Variants in GLIS3 observed in about 807,000 individuals in gnomAD.
The protein encoded by GLIS3 is zinc finger protein GLIS3.
GLIS3 carries 53 observed loss-of-function variants against 78.6 expected under a neutral mutation model. That is an observed-to-expected ratio of 0.67 (90% CI 0.54 to 0.85). The LOEUF is 0.85. Among genes scored for constraint, GLIS3 ranks in the 40% least tolerant of loss-of-function variants. GLIS3 has a pLI of 0.00. For synonymous variants in GLIS3, 684 were observed against 509.9 expected, an observed-to-expected ratio of 1.34 and a Z score of -4.60; for missense variants, 1,703 against 1,231.1, an observed-to-expected ratio of 1.38 and a Z score of -5.74.
At chr9:4,285,227 G>C (rs1285455699) in intron 2 of GLIS3, among the ~76,000 whole-genome samples, 2 of 152,144 alleles carry the variant, frequency 1.3e-5, no homozygotes, top group Admixed American at 1.3e-4. Context: ...TACGTGGGGT[G>C]CATGCTCTTT....
At chr9:4,349,225 G>T (rs539880602), upstream of GLIS3, among the ~76,000 whole-genome samples, 2 of 152,270 alleles carry the variant, frequency 1.3e-5, no homozygotes, top group African/African-American at 4.8e-5. Context: ...TTTATGATAG[G>T]TGTTGTCAGT....
the GLIS3 span, among the ~76,000 whole-genome samples, chr9:4,456,247 T>G: frequency 6.6e-6 from 1 of 152,204 alleles, no homozygotes; most frequent in Non-Finnish European, 1.5e-5. Flanking sequence ...CCTCAGAAAG[T>G]TGTAAATTTT....
Position 3,826,156 on chromosome 9 carries a change from C to A in GLIS3, c.*2116G>T, listed in dbSNP as rs1193434428. The A allele has an allele frequency of 1.3e-5, 2 of 152,344 alleles. No homozygotes were observed. The highest frequency in any genetic ancestry group is 6.5e-5 in the Admixed American group (1 of 15,304). The allele number at this position is 152,344 out of a possible 1,614,324, so 9.4% of individuals were successfully genotyped here. On this transcript the variant is annotated 3_prime_UTR_variant, in exon 11 of 11. Coordinates refer to ENST00000381971, the MANE Select transcript of GLIS3 (RefSeq NM_001042413.2). ...GGGCTGACAATGTCAACTGCAATAA[C>A]AACCTTGCCTTTTCATCTTTTTTCT...
At chr9:4,303,928 G>T (rs1029055887), upstream of GLIS3, among the ~76,000 whole-genome samples, 1 of 152,202 alleles carries the variant, frequency 6.6e-6, no homozygotes, top group East Asian at 1.9e-4. Context: ...TATATGTGAT[G>T]TTGTAAAATT....
At chr9:4,178,856 A>G (rs1236582355) in intron 2 of GLIS3, among the ~76,000 whole-genome samples, 3 of 152,256 alleles carry the variant, frequency 2.0e-5, no homozygotes, top group Admixed American at 6.5e-5. Flanking sequence ...GAGGGTATCT[A>G]GCATAAACAT....
At chr9:4,393,322 C>T in the GLIS3 span, among the ~76,000 whole-genome samples, 1 of 152,120 alleles carries the variant, frequency 6.6e-6, no homozygotes, top group African/African-American at 2.4e-5. Context: ...AGTTTGGAGA[C>T]ACTATGCCCC....
At chr9:4,055,110 T>G (rs1459654460) in intron 4 of GLIS3, among the ~76,000 whole-genome samples, 1 of 152,252 alleles carries the variant, frequency 6.6e-6, no homozygotes, top group Admixed American at 6.5e-5. Context: ...CTTTTTCATC[T>G]TTCTCCTTTC....
chr9:4,168,517 T>C (rs1231595374), intron 2 of GLIS3, among the ~76,000 whole-genome samples: 1 of 152,190 alleles, frequency 6.6e-6, no homozygotes, highest in African/African-American at 2.4e-5. Context: ...AATTGAATTG[T>C]GATAAAAGCA....
At chr9:3,971,179 TG>T (rs1463000214) in intron 4 of GLIS3, among the ~76,000 whole-genome samples, 24 of 151,912 alleles carry the variant, frequency 1.6e-4, no homozygotes, top group Non-Finnish European at 2.9e-5. Flanking sequence ...AATGGAGCAA[TG>T]GCAAGATAGC....
chr9:4,255,918 TG>T (rs1342309378), intron 2 of GLIS3, among the ~76,000 whole-genome samples: 1 of 152,114 alleles, frequency 6.6e-6, no homozygotes, highest in African/African-American at 2.4e-5. Flanking sequence ...TACTACTCTG[TG>T]GGGATGTTGA....
At chr9:4,109,095 G>C (rs946380674) in intron 4 of GLIS3, among the ~76,000 whole-genome samples, 1 of 151,980 alleles carries the variant, frequency 6.6e-6, no homozygotes, top group African/African-American at 2.4e-5. Flanking sequence ...CCTCTAAACA[G>C]CTCAAGCATT....
intron 2 of GLIS3, among the ~76,000 whole-genome samples, chr9:4,178,986 T>A (rs1219343218): frequency 2.0e-5 from 3 of 152,322 alleles, no homozygotes; most frequent in Admixed American, 6.5e-5. Flanking sequence ...TGTGAATTAT[T>A]TAGGGCTGCA....
intron 4 of GLIS3, among the ~76,000 whole-genome samples, chr9:3,987,132 C>T (rs1819805256): frequency 6.6e-6 from 1 of 151,826 alleles, no homozygotes; most frequent in Admixed American, 6.5e-5. Context: ...ATGGAAGCTA[C>T]AAAAAATGAA....
At chr9:4,366,454 C>T in the GLIS3 span, among the ~76,000 whole-genome samples, 1 of 152,150 alleles carries the variant, frequency 6.6e-6, no homozygotes, top group Non-Finnish European at 1.5e-5. Flanking sequence ...ATTGGCTTGA[C>T]TAGATTTTTC....
intron 4 of GLIS3, among the ~76,000 whole-genome samples, chr9:3,973,572 C>T (rs955614465): frequency 6.6e-6 from 1 of 152,140 alleles, no homozygotes; most frequent in African/African-American, 2.4e-5. Context: ...CTTTATTACA[C>T]AAAAAATTTA....
the GLIS3 span, among the ~76,000 whole-genome samples, chr9:4,437,411 T>TGTAA: frequency 1.1e-5 from 1 of 87,846 alleles, no homozygotes; most frequent in Non-Finnish European, 2.9e-5. Context: ...ACTGTATGTA[T>TGTAA]GTATGTATGT....
intron 2 of GLIS3, among the ~76,000 whole-genome samples, chr9:4,158,806 A>G (rs903349281): frequency 6.6e-6 from 1 of 152,222 alleles, no homozygotes; most frequent in African/African-American, 2.4e-5. Flanking sequence ...GATAATTTCA[A>G]ATAAGCGTAA....
chr9:4,271,113 C>A (rs968982705), intron 2 of GLIS3, among the ~76,000 whole-genome samples: 1 of 152,012 alleles, frequency 6.6e-6, no homozygotes, highest in African/African-American at 2.4e-5. Flanking sequence ...TCCACTTCTA[C>A]TTAATGAACA....
chr9:3,973,673 T>G (rs1818555065), intron 4 of GLIS3, among the ~76,000 whole-genome samples: 1 of 152,144 alleles, frequency 6.6e-6, no homozygotes, highest in Non-Finnish European at 1.5e-5. Context: ...GTTGGGAAAT[T>G]TTTAAATAAG....
Sources: gnomAD v4.1 joint callset for allele counts (sites outside exome capture counted in the v4.1 genomes callset) on GRCh38, gnomAD v4.1.1 for gene constraint, MANE v1.5 for transcripts, NCBI Gene and HGNC (gene_info 2026-07-23, HGNC 2026-07-21) for gene names.